Variants in TMEM117 observed in about 807,000 individuals in gnomAD.
TMEM117 encodes transmembrane protein 117.
TMEM117 carries 27 observed loss-of-function variants against 52.4 expected under a neutral mutation model. That is an observed-to-expected ratio of 0.51 (90% confidence interval 0.38 to 0.71). TMEM117 has a LOEUF of 0.71. TMEM117 is among the 30% of genes least tolerant of loss of function. The probability of loss-of-function intolerance (pLI) is 0.00; values close to 1 mark genes in which losing one functional copy is unlikely to be tolerated. For synonymous variants in TMEM117, 215 were observed against 206.3 expected (o/e 1.04, Z -0.36); for missense variants, 556 against 630.5 (o/e 0.88, Z 1.26).
intron 3 of TMEM117, among the ~76,000 whole-genome samples, chr12:44,056,906 A>C (rs537342546): frequency 3.3e-5 from 5 of 152,178 alleles, no homozygotes; most frequent in Non-Finnish European, 5.9e-5. Flanking sequence ...CCTTTTATTC[A>C]GAACAGATGT....
chr12:44,393,387 A>G (rs1952169697), downstream of TMEM117, among the ~76,000 whole-genome samples: 1 of 149,596 alleles, frequency 6.7e-6, no homozygotes, highest in Admixed American at 6.6e-5. Context: ...TTCTCATATT[A>G]ATGATACCAC....
chr12:44,245,174 T>C (rs897534677), intron 5 of TMEM117, among the ~76,000 whole-genome samples: 1 of 152,026 alleles, frequency 6.6e-6, no homozygotes, highest in Admixed American at 6.6e-5. Context: ...CTATTCAGAG[T>C]CTTTTGTGAT....
chr12:43,918,261 A>G (rs562630846), intron 2 of TMEM117, among the ~76,000 whole-genome samples: 1 of 152,278 alleles, frequency 6.6e-6, no homozygotes, highest in South Asian at 2.1e-4. Context: ...CTTTTTGTAT[A>G]TGCAGGCTCC....
At chr12:44,027,116 C>A (rs1219986609) in intron 3 of TMEM117, among the ~76,000 whole-genome samples, 9 of 108,164 alleles carry the variant, frequency 8.3e-5, no homozygotes, top group African/African-American at 3.2e-4. Flanking sequence ...TTTATTTTAT[C>A]TTATTATTTT....
chr12:43,971,914 TC>T (rs1945594037), intron 3 of TMEM117, among the ~76,000 whole-genome samples: 1 of 152,186 alleles, frequency 6.6e-6, no homozygotes, highest in Non-Finnish European at 1.5e-5. Context: ...CAGTTCCCCA[TC>T]CCTCCAGCCC....
intron 5 of TMEM117, among the ~76,000 whole-genome samples, chr12:44,262,582 T>A (rs1425620675): frequency 3.9e-5 from 6 of 152,216 alleles, no homozygotes; most frequent in Admixed American, 3.9e-4. Flanking sequence ...CATATAATTC[T>A]GTAGCAGTTA....
intron 6 of TMEM117, among the ~76,000 whole-genome samples, chr12:44,326,193 T>C (rs1003961068): frequency 2.6e-5 from 4 of 151,110 alleles, no homozygotes; most frequent in Admixed American, 1.3e-4. Context: ...TTTTGTTTTT[T>C]GTTTTTTGTT....
At chr12:44,245,565 T>C (rs1950118236) in intron 5 of TMEM117, among the ~76,000 whole-genome samples, 1 of 137,806 alleles carries the variant, frequency 7.3e-6, no homozygotes, top group South Asian at 2.1e-4. Context: ...CTTAACTGAA[T>C]TATTTATCAG....
chr12:44,057,394 T>C (rs1947072749), intron 3 of TMEM117, among the ~76,000 whole-genome samples: 1 of 152,090 alleles, frequency 6.6e-6, no homozygotes, highest in South Asian at 2.1e-4. Context: ...TGGGTATAAA[T>C]GCTATGAGGA....
intron 3 of TMEM117, among the ~76,000 whole-genome samples, chr12:44,126,391 C>T (rs1465061530): frequency 6.6e-6 from 1 of 152,186 alleles, no homozygotes; most frequent in Non-Finnish European, 1.5e-5. Flanking sequence ...CTTCTTCACT[C>T]ATTTAACTCT....
At chr12:44,209,475 C>T (rs915313629) in intron 4 of TMEM117, among the ~76,000 whole-genome samples, 2 of 151,954 alleles carry the variant, frequency 1.3e-5, no homozygotes, top group African/African-American at 4.8e-5. Flanking sequence ...TAAAAATAAG[C>T]AAAAAGTGTT....
In TMEM117 at chr12:44,214,255, C is replaced by T. The variant is rs998151229; in HGVS notation, c.608+2868C>T. Among the ~76,000 whole-genome samples, 35 of 150,332 alleles carry T rather than the reference C, an allele frequency of 2.3e-4. 1 individual carries two copies. The highest frequency in any genetic ancestry group is 4.6e-4 in the Non-Finnish European group (31 of 67,774). On this transcript the variant is annotated intron_variant, in intron 5 of 7. Transcript: ENST00000266534. The stretch of plus-strand genomic sequence containing the variant: ...CTGCCTCCCAGGTCCTAGTGATTCT[C>T]CTGCCTCAGCCTCCAGAGTAGCTGG...
intron 3 of TMEM117, among the ~76,000 whole-genome samples, chr12:44,123,889 T>A (rs1358047163): frequency 6.6e-6 from 1 of 152,224 alleles, no homozygotes; most frequent in African/African-American, 2.4e-5. Context: ...GTCATGATCT[T>A]TTTTGGTTTT....
At chr12:44,319,685 T>C (rs1490629884) in intron 6 of TMEM117, among the ~76,000 whole-genome samples, 3 of 152,226 alleles carry the variant, frequency 2.0e-5, no homozygotes, top group African/African-American at 7.2e-5. Flanking sequence ...AATACAAAAG[T>C]GCTAAGTTCT....
At chr12:44,151,191 T>C (rs973319577) in intron 4 of TMEM117, among the ~76,000 whole-genome samples, 1 of 152,104 alleles carries the variant, frequency 6.6e-6, no homozygotes. Context: ...ATTTTTCATC[T>C]TTTTCATCCC....
At chr12:44,119,818 C>G (rs1203333330) in intron 3 of TMEM117, among the ~76,000 whole-genome samples, 4 of 152,156 alleles carry the variant, frequency 2.6e-5, no homozygotes, top group Non-Finnish European at 5.9e-5. Context: ...AATAGTACCT[C>G]TTTAAAGTGC....
At chr12:43,878,928 T>C (rs1367197578) in intron 2 of TMEM117, among the ~76,000 whole-genome samples, 1 of 152,152 alleles carries the variant, frequency 6.6e-6, no homozygotes, top group Non-Finnish European at 1.5e-5. Flanking sequence ...ATTGAAAATA[T>C]CTAGTGAAAG....
At chr12:43,877,407 G>A (rs1489339574) in intron 2 of TMEM117, among the ~76,000 whole-genome samples, 1 of 152,098 alleles carries the variant, frequency 6.6e-6, no homozygotes, top group African/African-American at 2.4e-5. Context: ...ACCGAGGCAG[G>A]TGGAACACCT....
At chr12:44,337,816 A>G (rs955379306) in intron 6 of TMEM117, among the ~76,000 whole-genome samples, 7 of 152,076 alleles carry the variant, frequency 4.6e-5, no homozygotes, top group Non-Finnish European at 8.8e-5. Context: ...GAATTAGGGA[A>G]TGTAGAATAT....
Sources: allele counts gnomAD v4.1 joint callset (sites outside exome capture counted in the v4.1 genomes callset), GRCh38; gene constraint gnomAD v4.1.1; transcripts MANE v1.5; gene names NCBI Gene and HGNC (gene_info 2026-07-23, HGNC 2026-07-21).